Variants in ADAMTS3 observed in about 807,000 individuals in gnomAD.
The protein encoded by ADAMTS3 is ADAM metallopeptidase with thrombospondin type 1 motif 3, also known as A disintegrin and metalloproteinase with thrombospondin motifs 3.
In ADAMTS3, 73 loss-of-function variants were observed where a neutral mutation model predicts 129.0. The observed-to-expected ratio is 0.57, with a 90% confidence interval of 0.47 to 0.69. The LOEUF (loss-of-function observed/expected upper bound fraction) is 0.69. Among genes scored for constraint, ADAMTS3 ranks in the 30% least tolerant of loss-of-function variants. The probability of loss-of-function intolerance (pLI) is 0.00; values close to 1 mark genes in which losing one functional copy is unlikely to be tolerated. For synonymous variants in ADAMTS3, 477 were observed against 510.8 expected (o/e 0.93, Z 0.89); for missense variants, 1,457 against 1,514.5 (o/e 0.96, Z 0.63).
At chr4:72,300,528 G>A (rs1474906432) in intron 17 of ADAMTS3, among the ~76,000 whole-genome samples, 1 of 152,042 alleles carries the variant, frequency 6.6e-6, no homozygotes, top group Non-Finnish European at 1.5e-5. Flanking sequence ...TTTTATTATG[G>A]AACAGGATGA....
intron 3 of ADAMTS3, among the ~76,000 whole-genome samples, chr4:72,432,658 A>C (rs1005171735): frequency 4.6e-5 from 7 of 152,016 alleles, no homozygotes; most frequent in African/African-American, 1.7e-4. Flanking sequence ...GAACTAATGA[A>C]AATGACAGAA....
At chr4:72,539,663 T>C (rs1301690343) in intron 3 of ADAMTS3, among the ~76,000 whole-genome samples, 3 of 152,156 alleles carry the variant, frequency 2.0e-5, no homozygotes, top group African/African-American at 7.2e-5. Flanking sequence ...AATTCCCATA[T>C]GTCATGGGAG....
intron 14 of ADAMTS3, 26 bp from the exon 15 acceptor site, chr4:72,309,546 G>C: frequency 6.2e-7 from 1 of 1,609,056 alleles, no homozygotes; most frequent in South Asian, 1.1e-5. Flanking sequence ...GTCAAATGTG[G>C]CTAATTTTAG....
chr4:72,311,028 G>A lies in ADAMTS3; in HGVS notation c.2055+20C>T, dbSNP rs746483660. 1.9e-6 allele frequency: 3 copies of A among 1,568,872 alleles called. No homozygotes were observed. Among genetic ancestry groups the A allele is most frequent in the South Asian group, 2.4e-5 (2 of 83,978 alleles). On this transcript the variant is annotated intron_variant, in intron 14 of 21. Coordinates refer to ENST00000286657, the MANE Select transcript of ADAMTS3 (RefSeq NM_014243.3). ...ACGTAGATAACGTAGAAAGCCTTTG[G>A]GGAAGCAATTTGAACTTACCACACA... is the stretch of plus-strand genomic sequence containing the variant.
chr4:72,563,217 A>C (rs2109807965), intron 2 of ADAMTS3, among the ~76,000 whole-genome samples: 1 of 152,314 alleles, frequency 6.6e-6, no homozygotes, highest in South Asian at 2.1e-4. Context: ...GCACTTAATA[A>C]AATTTTCACC....
intron 3 of ADAMTS3, among the ~76,000 whole-genome samples, chr4:72,512,781 C>G (rs913633040): frequency 6.6e-6 from 1 of 152,134 alleles, no homozygotes; most frequent in Non-Finnish European, 1.5e-5. Flanking sequence ...AAGCTTGACC[C>G]TAAAATTTAC....
chr4:72,296,842 C>T (rs1210616402), intron 18 of ADAMTS3, among the ~76,000 whole-genome samples: 3 of 152,114 alleles, frequency 2.0e-5, no homozygotes, highest in East Asian at 3.9e-4. Context: ...TCATATGTTG[C>T]GTTTAACTGT....
intron 3 of ADAMTS3, among the ~76,000 whole-genome samples, chr4:72,440,959 C>T (rs1718097623): frequency 6.6e-6 from 1 of 151,712 alleles, no homozygotes; most frequent in African/African-American, 2.4e-5. Flanking sequence ...CTTAGTTACT[C>T]AATACAATGA....
chr4:72,568,993 A>C lies in ADAMTS3; in HGVS notation c.-231T>G. 1 of 582,048 alleles carries C rather than the reference A, an allele frequency of 1.7e-6. No individual in the cohort carries two copies. Among genetic ancestry groups the C allele is most frequent in the Non-Finnish European group, 3.1e-6 (1 of 326,080 alleles). The allele number at this position is 582,048 out of a possible 1,614,324, so 36.1% of individuals were successfully genotyped here. On this transcript the variant is annotated 5_prime_UTR_variant, in exon 1 of 22. Coordinates refer to ENST00000286657, the MANE Select transcript of ADAMTS3 (RefSeq NM_014243.3). ...TTCACCTTCTCACCCCGTCCTCCCA[A>C]CACAGAGTGTGCAGGAGCGAGAAGG...
chr4:72,541,641 G>C (rs1366982835), intron 3 of ADAMTS3, among the ~76,000 whole-genome samples: 1 of 152,130 alleles, frequency 6.6e-6, no homozygotes, highest in Non-Finnish European at 1.5e-5. Context: ...TTGAATCATG[G>C]GGGTGCGTTT....
At chr4:72,364,841 A>G (rs1309895011) in intron 4 of ADAMTS3, among the ~76,000 whole-genome samples, 1 of 151,948 alleles carries the variant, frequency 6.6e-6, no homozygotes, top group Admixed American at 6.6e-5. Context: ...CTCCTACCTC[A>G]GCCTCCCAAA....
chr4:72,431,049 C>A (rs1722686666), intron 3 of ADAMTS3, among the ~76,000 whole-genome samples: 1 of 151,434 alleles, frequency 6.6e-6, no homozygotes, highest in African/African-American at 2.4e-5. Flanking sequence ...TTTTGTTAGA[C>A]TTATTAGAAC....
intron 4 of ADAMTS3, among the ~76,000 whole-genome samples, chr4:72,397,057 C>T (rs1248316329): frequency 4.6e-5 from 7 of 152,078 alleles, no homozygotes; most frequent in Non-Finnish European, 8.8e-5. Context: ...TGGATTAGTA[C>T]TCCAGGGAAA....
At chr4:72,422,542 A>C (rs539793941) in intron 3 of ADAMTS3, among the ~76,000 whole-genome samples, 1 of 152,184 alleles carries the variant, frequency 6.6e-6, no homozygotes, top group South Asian at 2.1e-4. Flanking sequence ...CGGAGGGGAT[A>C]TTTATAAAAC....
intron 3 of ADAMTS3, among the ~76,000 whole-genome samples, chr4:72,456,233 ATATATATTT>A (rs1718605589): frequency 8.5e-6 from 1 of 117,016 alleles, no homozygotes; most frequent in African/African-American, 3.3e-5. Flanking sequence ...AGTATGTACT[ATATATATTT>A]TATATATAGT....
Position 72,530,425 on chromosome 4 carries a change from A to T in ADAMTS3, c.504+18053T>A, listed in dbSNP as rs1219488280. Among the ~76,000 whole-genome samples, 181 of 85,486 alleles carry T rather than the reference A, an allele frequency of 2.1e-3. 1 individual carries two copies. Among genetic ancestry groups the T allele is most frequent in the African/African-American group, 8.2e-3 (171 of 20,774 alleles). 56.1% of individuals were successfully genotyped at this position (85,486 alleles called of 152,430 possible). A position where few individuals can be genotyped will look rare whatever the true frequency, so the allele number is the denominator to read the frequency against. ...TGAATTTAATATATAATATATATTA[A>T]ATTAATATATGTTAATTTAATATAT... is the stretch of plus-strand genomic sequence containing the variant. On this transcript the variant is annotated intron_variant, in intron 3 of 21. Transcript: ENST00000286657.
intron 4 of ADAMTS3, among the ~76,000 whole-genome samples, chr4:72,356,253 C>T (rs193019494): frequency 2.0e-5 from 3 of 151,776 alleles, no homozygotes; most frequent in Admixed American, 2.0e-4. Context: ...GCTAAAGTTT[C>T]TAACAGTATT....
intron 3 of ADAMTS3, among the ~76,000 whole-genome samples, chr4:72,491,408 C>T (rs950876504): frequency 4.6e-5 from 7 of 151,712 alleles, no homozygotes; most frequent in African/African-American, 1.2e-4. Flanking sequence ...AGTTTTTCCT[C>T]ATTTATTATC....
At chr4:72,515,047 C>T (rs1403890748) in intron 3 of ADAMTS3, among the ~76,000 whole-genome samples, 1 of 152,088 alleles carries the variant, frequency 6.6e-6, no homozygotes, top group Non-Finnish European at 1.5e-5. Flanking sequence ...CATGTGTTCT[C>T]ATTGTTCAAT....
Sources: gnomAD v4.1 joint callset for allele counts (sites outside exome capture counted in the v4.1 genomes callset) on GRCh38, gnomAD v4.1.1 for gene constraint, MANE v1.5 for transcripts, NCBI Gene and HGNC (gene_info 2026-07-23, HGNC 2026-07-21) for gene names.